The following ATP8B2 variants were observed in gnomAD, a reference collection of about 807,000 sequenced individuals.
ATP8B2 encodes the protein phospholipid-transporting ATPase ID.
A neutral mutation model predicts 133.4 loss-of-function variants in ATP8B2; 70 were observed. The observed-to-expected ratio is 0.52, with a 90% CI of 0.43 to 0.64. ATP8B2 has a LOEUF of 0.64. ATP8B2 is among the 30% of genes least tolerant of loss of function. The pLI, the probability that ATP8B2 is intolerant of heterozygous loss-of-function variation, is 0.00. For synonymous variants in ATP8B2, 517 were observed against 589.5 expected, an observed-to-expected ratio of 0.88 and a Z score of 1.78; for missense variants, 1,101 against 1,535.7, an observed-to-expected ratio of 0.72 and a Z score of 4.73.
chr1:154,345,915 C>T lies in ATP8B2; in HGVS notation c.2778+32C>T, dbSNP rs373371438. On this transcript the variant is annotated intron_variant, in intron 24 of 27. Coordinates refer to ENST00000368489, the MANE Select transcript of ATP8B2 (RefSeq NM_001370597.1). The surrounding 1 kb of genome is among the most constrained non-coding windows in gnomAD (Gnocchi z 5.6). ...GGGAGTTTGATGATCAGATGGGATG[C>T]GGGGAAGGTCACTGCTTGAAGGAGT... The T allele has an allele frequency of 3.2e-4, 498 of 1,553,090 alleles. No homozygotes were observed. The highest frequency in any genetic ancestry group is 4.2e-4 in the Non-Finnish European group (470 of 1,125,184).
At chr1:154,332,456 G>T (rs995711324) in intron 8 of ATP8B2, among the ~76,000 whole-genome samples, 162 bp from the exon 9 acceptor site, 1 of 152,214 alleles carries the variant, frequency 6.6e-6, no homozygotes, top group African/African-American at 2.4e-5. Flanking sequence ...CACTTGGGAG[G>T]CTGAGGCGGG....
At chr1:154,342,234 G>A (rs547669112) in intron 13 of ATP8B2, among the ~76,000 whole-genome samples, 7 of 152,038 alleles carry the variant, frequency 4.6e-5, no homozygotes, top group Non-Finnish European at 8.8e-5. Flanking sequence ...TAGAGACAGG[G>A]ATGGTGAGCA....
rs757497332 is a variant in ATP8B2 at position 154,332,658 on chromosome 1, T to C, written c.550T>C (p.Ser184Pro). 1 of 1,587,964 alleles carries C rather than the reference T, an allele frequency of 6.3e-7. No homozygotes were observed. The highest frequency in any genetic ancestry group is 2.3e-5 in the East Asian group (1 of 44,008). ...MKVRQAIPVTSELGDISKLAK... is the reference protein window; with the variant it reads ...MKVRQAIPVTPELGDISKLAK... ...AGTACGTCAGGCGATTCCAGTCACCTCAGAATTGGGAGACATCAGTAAGCT... is the reference window on the plus strand; with the variant it reads ...AGTACGTCAGGCGATTCCAGTCACCCCAGAATTGGGAGACATCAGTAAGCT... The change falls in exon 9 of 28, where the codon TCA becomes CCA. Residue 184 changes from serine (S) to proline (P), a missense_variant. Physicochemically the swap from Ser to Pro is moderately conservative, Grantham distance 74 (BLOSUM62 -1). Coordinates refer to ENST00000368489, the MANE Select transcript of ATP8B2 (RefSeq NM_001370597.1).
rs936395319 is a variant in ATP8B2 at position 154,344,292 on chromosome 1, A to G, written c.2035+38A>G. The G allele has an allele frequency of 6.2e-7, 1 of 1,614,024 alleles. No homozygotes were observed. The highest frequency in any genetic ancestry group is 1.3e-5 in the African/African-American group (1 of 74,944). On this transcript the variant is annotated intron_variant, in intron 19 of 27. Coordinates refer to ENST00000368489, the MANE Select transcript of ATP8B2 (RefSeq NM_001370597.1). This position sits in a 1 kb window ranked among gnomAD's most constrained non-coding sequence, Gnocchi z 4.1. ...CAGGGCAGAGCCAGTTGCAACTGAC[A>G]GTAGCCCTGTTGGACCCTTGCATGG...
Position 154,328,181 on chromosome 1 carries a change from G to A in ATP8B2, c.31+9G>A. Reference sequence around the variant, plus strand: ...AAAAAAGCGCCCCCCAGGTAAGACAGGCAAGGAGGGGAGATCCCGGGAACC... The same window carrying A: ...AAAAAAGCGCCCCCCAGGTAAGACAAGCAAGGAGGGGAGATCCCGGGAACC... On this transcript the variant is annotated intron_variant, in intron 2 of 27. Transcript: ENST00000368489. This position sits in a 1 kb window ranked among gnomAD's most constrained non-coding sequence, Gnocchi z 4.6. 6.2e-7 allele frequency: 1 copy of A among 1,612,218 alleles called. No individual in the cohort carries two copies. The highest frequency in any genetic ancestry group is 8.5e-7 in the Non-Finnish European group (1 of 1,178,468).
intron 1 of ATP8B2, among the ~76,000 whole-genome samples, chr1:154,326,270 C>T (rs1685785635): frequency 6.6e-6 from 1 of 152,074 alleles, no homozygotes; most frequent in South Asian, 2.1e-4. Flanking sequence ...CTGGAGGTCT[C>T]GAGTTCCATT....
intron 14 of ATP8B2, 71 bp from the exon 15 acceptor site, chr1:154,342,725 A>G (rs1264253438): frequency 6.4e-7 from 1 of 1,555,418 alleles, no homozygotes; most frequent in Non-Finnish European, 8.8e-7. Context: ...TTGGGAGGGC[A>G]GGGATGAACC....
Position 154,344,618 on chromosome 1 carries a change from C to T in ATP8B2, c.2142-23C>T, listed in dbSNP as rs890839201. ...CCACTGCCGTTCTGGAAGACCACAA[C>T]CGTATCATTTCCACCTCGACAGGAA... On this transcript the variant is annotated intron_variant, in intron 20 of 27. Coordinates refer to ENST00000368489, the MANE Select transcript of ATP8B2 (RefSeq NM_001370597.1). This position sits in a 1 kb window ranked among gnomAD's most constrained non-coding sequence, Gnocchi z 4.1. The T allele has an allele frequency of 6.2e-7, 1 of 1,607,240 alleles. No individual in the cohort carries two copies. The highest frequency in any genetic ancestry group is 8.5e-7 in the Non-Finnish European group (1 of 1,174,282).
At position 154,344,910 on chromosome 1, in the gene ATP8B2, A is replaced by G; in HGVS notation, c.2287-61A>G. The G allele has an allele frequency of 6.4e-7, 1 of 1,558,142 alleles. No individual in the cohort carries two copies. Among genetic ancestry groups the G allele is most frequent in the Middle Eastern group, 2.0e-4 (1 of 5,024 alleles). On this transcript the variant is annotated intron_variant, in intron 21 of 27. Transcript: ENST00000368489. This position sits in a 1 kb window ranked among gnomAD's most constrained non-coding sequence, Gnocchi z 4.1. ...ACTGGTCTCAAAGGGGACTGGGAGG[A>G]GCTGAGACTCCCAGGTGTCTCCTGG...
At chr1:154,342,378 G>A (rs1686414865) in intron 13 of ATP8B2, 102 bp from the exon 14 acceptor site, 2 of 1,177,688 alleles carry the variant, frequency 1.7e-6, no homozygotes, top group South Asian at 2.5e-5. Flanking sequence ...TTAGGGTTGA[G>A]GGGCTCAGTG....
chr1:154,349,284 G>C lies in ATP8B2; in HGVS notation c.*166G>C. 1.0e-6 allele frequency: 1 copy of C among 963,368 alleles called. No homozygotes were observed. The highest frequency in any genetic ancestry group is 1.5e-6 in the Non-Finnish European group (1 of 665,508). 59.7% of individuals were successfully genotyped at this position (963,368 alleles called of 1,614,324 possible). On this transcript the variant is annotated 3_prime_UTR_variant, in exon 28 of 28. Transcript: ENST00000368489. ...CACATGGCTGGGACATCTGTTCCCA[G>C]CTGTAGGCCCTTCCACCAGCTGGGG...
rs773458897 is a variant in ATP8B2 at position 154,342,532 on chromosome 1, C to T, written c.1287+9C>T. 3 of 1,612,360 alleles carry T rather than the reference C, an allele frequency of 1.9e-6. No individual in the cohort carries two copies. The highest frequency in any genetic ancestry group is 2.5e-6 in the Non-Finnish European group (3 of 1,178,428). On this transcript the variant is annotated intron_variant, in intron 14 of 27. Coordinates refer to ENST00000368489, the MANE Select transcript of ATP8B2 (RefSeq NM_001370597.1). Reference sequence around the variant, plus strand: ...AAGCTGAATTGGGAGAGGTAAGATTCAGTCTCCCTAATTCTATGTGCCAGT... The same window carrying T: ...AAGCTGAATTGGGAGAGGTAAGATTTAGTCTCCCTAATTCTATGTGCCAGT...
chr1:154,336,091 G>T (rs926868273), intron 11 of ATP8B2, among the ~76,000 whole-genome samples: 18 of 151,850 alleles, frequency 1.2e-4, no homozygotes, highest in African/African-American at 4.4e-4. Context: ...CATTACCGTG[G>T]CTTGGCATTT....
rs1387020818 is a variant in ATP8B2, at chr1:154,350,642, A to T, written c.*1524A>T. The stretch of plus-strand genomic sequence containing the variant: ...TCCTTGTGCCGGGTAGTAGAGGAGG[A>T]TAAGGGCAAAACCAGGCCCAGGCCA... On this transcript the variant is annotated 3_prime_UTR_variant, in exon 28 of 28. Transcript: ENST00000368489. 6.6e-6 allele frequency: 1 copy of T among 152,314 alleles called. No homozygotes were observed. The highest frequency in any genetic ancestry group is 2.4e-5 in the African/African-American group (1 of 41,452). The allele number at this position is 152,314 out of a possible 1,614,324, so 9.4% of individuals were successfully genotyped here. A position where few individuals can be genotyped will look rare whatever the true frequency, so the allele number is the denominator to read the frequency against.
At chr1:154,339,310 G>A (rs1345673919) in intron 12 of ATP8B2, among the ~76,000 whole-genome samples, 3 of 152,200 alleles carry the variant, frequency 2.0e-5, no homozygotes, top group African/African-American at 2.4e-5. Flanking sequence ...GAAAATCCAC[G>A]GTCACTCAGG....
In ATP8B2 at chr1:154,345,501, A is replaced by G. The variant is rs1469516582; in HGVS notation, c.2650A>G (p.Met884Val). 6 of 1,614,184 alleles carry G rather than the reference A, an allele frequency of 3.7e-6. No homozygotes were observed. Among genetic ancestry groups the G allele is most frequent in the South Asian group, 1.1e-5 (1 of 91,086 alleles). ...YFFYKNFAFT[M>V]VHFWFGFFCG... ...CTTCTACAAAAACTTTGCTTTCACC[A>G]TGGTCCACTTCTGGTTTGGCTTCTT... The change falls in exon 23 of 28, where the codon ATG becomes GTG. Residue 884 changes from methionine (M) to valine (V), a missense_variant. Met to Val is a conservative substitution (Grantham distance 21). Transcript: ENST00000368489. This position sits in a 1 kb window ranked among gnomAD's most constrained non-coding sequence, Gnocchi z 5.6.
At chr1:154,327,724 G>A (rs1313239964) in intron 1 of ATP8B2, 1 of 1,462,638 alleles carries the variant, frequency 6.8e-7, no homozygotes, top group Non-Finnish European at 9.6e-7. Flanking sequence ...CCCACCCTTT[G>A]GGGAAACTGC....
In ATP8B2 at chr1:154,348,514, C is replaced by T. The variant is rs1686671551; in HGVS notation, c.3270C>T (p.Asn1090=). ...TTGCCTTCCGATTCCTCAGGCTCAA[C>T]CTGAAGCCGGATCTCTCCGACACGG... ...PVVAFRFLRL[N]LKPDLSDTVR... is the part of the protein sequence containing the mutation. The change falls in exon 27 of 28, where the codon AAC becomes AAT. Residue 1090 remains asparagine (N), a synonymous_variant. Coordinates refer to ENST00000368489, the MANE Select transcript of ATP8B2 (RefSeq NM_001370597.1). The T allele has an allele frequency of 6.2e-7, 1 of 1,614,106 alleles. No homozygotes were observed. Among genetic ancestry groups the T allele is most frequent in the Non-Finnish European group, 8.5e-7 (1 of 1,180,002 alleles).
chr1:154,345,441 T>G lies in ATP8B2; in HGVS notation c.2590T>G (p.Ser864Ala). ...QRLLLVHGRW[S>A]YLRMCKFLCY... ...CCTCCTGCTGGTGCATGGGCGCTGG[T>G]CCTACCTGCGAATGTGCAAGTTTCT... Residue 864 changes from serine (S) to alanine (A), a missense_variant, in exon 23 of 28, where the codon TCC becomes GCC. Physicochemically the swap from Ser to Ala is moderately conservative, Grantham distance 99. Transcript: ENST00000368489. This position sits in a 1 kb window ranked among gnomAD's most constrained non-coding sequence, Gnocchi z 5.6. The G allele has an allele frequency of 1.9e-6, 3 of 1,614,222 alleles. No individual in the cohort carries two copies. Among genetic ancestry groups the G allele is most frequent in the Non-Finnish European group, 2.5e-6 (3 of 1,180,038 alleles).
Sources: allele counts gnomAD v4.1 joint callset (sites outside exome capture counted in the v4.1 genomes callset), GRCh38; gene constraint gnomAD v4.1.1; non-coding constraint Gnocchi (gnomAD v3.1); transcripts MANE v1.5; gene names NCBI Gene and HGNC (gene_info 2026-07-23, HGNC 2026-07-21).